The following SYNE1 variants were observed in gnomAD, a reference collection of about 807,000 sequenced individuals.
SYNE1 encodes nesprin-1.
SYNE1 carries 616 observed loss-of-function variants against 1,111.0 expected under a neutral mutation model. The ratio of observed to expected loss-of-function variants is 0.55; its 90% CI spans 0.52 to 0.59. The LOEUF (loss-of-function observed/expected upper bound fraction) is 0.59, where lower values mean the gene tolerates loss of function less well. Ranked by LOEUF, SYNE1 falls within the 20% of genes least tolerant of loss-of-function variation. The probability of loss-of-function intolerance (pLI) is 0.00; values close to 1 mark genes in which losing one functional copy is unlikely to be tolerated. For missense variants in SYNE1, 10,006 were observed against 10,417.0 expected, an observed-to-expected ratio of 0.96 and a Z score of 1.72; for synonymous variants, 3,855 against 3,825.8, an observed-to-expected ratio of 1.01 and a Z score of -0.28.
At chr6:152,157,886 G>A (rs1028771341) in intron 131 of SYNE1, among the ~76,000 whole-genome samples, 1 of 151,780 alleles carries the variant, frequency 6.6e-6, no homozygotes, top group Non-Finnish European at 1.5e-5. Flanking sequence ...AGCCTCCTGA[G>A]TAGCTGGGAT....
At chr6:152,333,941 A>C (rs2096313486) in intron 77 of SYNE1, 67 bp downstream of exon 77, 7 of 1,608,684 alleles carry the variant, frequency 4.4e-6, no homozygotes, top group Non-Finnish European at 6.0e-6. Flanking sequence ...GCACATTTTA[A>C]ATTTTTATAG....
chr6:152,206,124 G>T, intron 126 of SYNE1, 44 bp downstream of exon 126: 2 of 1,581,500 alleles, frequency 1.3e-6, no homozygotes, highest in South Asian at 1.1e-5. Context: ...GTAGTACAAC[G>T]ACTAAAAGGG....
chr6:152,134,214 T>G (rs893420766), intron 142 of SYNE1: 3 of 152,374 alleles, frequency 2.0e-5, no homozygotes, highest in Admixed American at 6.5e-5. Flanking sequence ...TAATTTCCTC[T>G]TGAATTTAGT....
chr6:152,344,374 A>T (rs535121508), intron 73 of SYNE1, 147 bp from the exon 74 acceptor site: 1 of 1,268,176 alleles, frequency 7.9e-7, no homozygotes, highest in Non-Finnish European at 1.1e-6. Context: ...AGGCAGTTGT[A>T]TGTCTCCCCA....
At chr6:152,436,236 G>T in intron 32 of SYNE1, 135 bp from the exon 33 acceptor site, 3 of 897,214 alleles carry the variant, frequency 3.3e-6, no homozygotes, top group South Asian at 3.6e-5. Context: ...ATCTTACATT[G>T]TTCTTAACAA....
At chr6:152,333,852 C>T (rs547670865) in intron 77 of SYNE1, among the ~76,000 whole-genome samples, 156 bp downstream of exon 77, 7 of 152,176 alleles carry the variant, frequency 4.6e-5, no homozygotes, top group Non-Finnish European at 8.8e-5. Flanking sequence ...AGGCTGGTCT[C>T]GAACTCCTGA....
Position 152,585,403 on chromosome 6 carries a change from T to TA in SYNE1, c.67+42861dup, listed in dbSNP as rs1455121240. On this transcript the variant is annotated intron_variant, in intron 3 of 145. Transcript: ENST00000367255. ...TGCAAATGCAAATAGATCCGTGGGA[T>TA]AAAATCATAGAAACAAAATTACTGA... 2.6e-5 allele frequency among the ~76,000 whole-genome samples: 4 copies of TA among 152,244 alleles called. No homozygotes were observed. The South Asian group carries it at 6.2e-4, about 24-fold the overall frequency.
chr6:152,528,121 T>C (rs2099172510), intron 4 of SYNE1, among the ~76,000 whole-genome samples: 1 of 152,190 alleles, frequency 6.6e-6, no homozygotes. Context: ...GCCCTTTCTC[T>C]TTCTTTCTCC....
intron 127 of SYNE1, among the ~76,000 whole-genome samples, chr6:152,198,171 C>T (rs1003816601): frequency 1.3e-5 from 2 of 152,342 alleles, no homozygotes; most frequent in Non-Finnish European, 1.5e-5. Context: ...TCTACTTCAA[C>T]ACTTGCTGCT....
chr6:152,244,784 T>G (rs1030644002), intron 105 of SYNE1, 128 bp from the exon 106 acceptor site: 10 of 1,285,744 alleles, frequency 7.8e-6, no homozygotes, highest in Non-Finnish European at 1.1e-5. Flanking sequence ...ACAAAAGGAA[T>G]CATTTCAATA....
intron 117 of SYNE1, among the ~76,000 whole-genome samples, chr6:152,223,668 G>A (rs73003254): frequency 0.041 from 6,245 of 152,088 alleles, 184 homozygotes; most frequent in Non-Finnish European, 0.065. Context: ...GAGGGGAGAA[G>A]AGGGGAGGAG....
At chr6:152,510,815 G>A (rs566021940) in intron 7 of SYNE1, among the ~76,000 whole-genome samples, 196 bp downstream of exon 7, 1 of 152,144 alleles carries the variant, frequency 6.6e-6, no homozygotes, top group Admixed American at 6.5e-5. Flanking sequence ...GGGGTGTGAG[G>A]TTCCACATGC....
At chr6:152,302,110 G>C in intron 91 of SYNE1, 47 bp from the exon 92 acceptor site, 2 of 1,612,206 alleles carry the variant, frequency 1.2e-6, no homozygotes, top group Non-Finnish European at 1.7e-6. Context: ...GCATCAAAAG[G>C]AAACAGAAGT....
At chr6:152,500,446 C>G (rs550961457) in intron 10 of SYNE1, among the ~76,000 whole-genome samples, 49 of 152,264 alleles carry the variant, frequency 3.2e-4, no homozygotes, top group South Asian at 1.5e-3. Flanking sequence ...AAAAGAGGTT[C>G]CCTGAACTTA....
chr6:152,456,780 C>T, intron 22 of SYNE1: 1 of 443,860 alleles, frequency 2.3e-6, no homozygotes, highest in Non-Finnish European at 4.5e-6. Context: ...TGAATTACAC[C>T]ATTTGCATTT....
rs556093149 is a variant in SYNE1, at chr6:152,247,803, A to G, written c.19572+1358T>C. Among the ~76,000 whole-genome samples the G allele has an allele frequency of 3.2e-4, 48 of 148,008 alleles. 1 individual carries two copies. In the South Asian group the frequency reaches 9.5e-3, roughly 29 times the overall value. Reference sequence around the variant, plus strand: ...CACATATATTTTTAAAAATAAATAAAAAGAAAAATGCACACTCACAGTTTT... The same window carrying G: ...CACATATATTTTTAAAAATAAATAAGAAGAAAAATGCACACTCACAGTTTT... On this transcript the variant is annotated intron_variant, in intron 105 of 145. Coordinates refer to ENST00000367255, the MANE Select transcript of SYNE1 (RefSeq NM_182961.4).
chr6:152,308,666 G>GT (rs770706849), intron 90 of SYNE1, 34 bp from the exon 91 acceptor site: 13 of 1,583,632 alleles, frequency 8.2e-6, no homozygotes, highest in Middle Eastern at 1.8e-4. Flanking sequence ...AAGATAGACA[G>GT]TTTTTTTTCT....
chr6:152,536,997 G>A (rs1192462118), intron 4 of SYNE1, among the ~76,000 whole-genome samples: 4 of 152,176 alleles, frequency 2.6e-5, no homozygotes, highest in African/African-American at 9.6e-5. Context: ...TAAGCTAGAT[G>A]TGAGTCAGAA....
Position 152,154,960 on chromosome 6 carries a change from T to C in SYNE1, c.24061A>G (p.Thr8021Ala). Residue 8021 changes from threonine to alanine, a missense_variant, in exon 133 of 146, where the codon ACA becomes GCA. Physicochemically the swap from Thr to Ala is moderately conservative, Grantham distance 58. Around this residue, in one of 7 missense-constraint regions of SYNE1, gnomAD observed 2,182 missense variants for 2,287.8 expected, o/e 0.95. Transcript: ENST00000367255. The stretch of plus-strand genomic sequence containing the variant: ...CCAGAAGAGCTGGGAAAAGCAGCTG[T>C]CCTTTCTGAAGACTTCAGCCAATCT... Reference protein sequence around the residue: ...FEDWLKSSERTAAFPSSSGVI... With the variant: ...FEDWLKSSERAAAFPSSSGVI... 1 of 1,614,202 alleles carries C rather than the reference T, an allele frequency of 6.2e-7. No homozygotes were observed.
Sources: allele counts gnomAD v4.1 joint callset (sites outside exome capture counted in the v4.1 genomes callset), GRCh38; gene constraint gnomAD v4.1.1; regional missense constraint gnomAD v4.1.1; transcripts MANE v1.5; gene names NCBI Gene and HGNC (gene_info 2026-07-23, HGNC 2026-07-21).